The following TBCA variants were observed in gnomAD, a reference collection of about 807,000 sequenced individuals.
The protein encoded by TBCA is tubulin folding cofactor A.
A neutral mutation model predicts 15.8 loss-of-function variants in TBCA; 6 were observed. The ratio of observed to expected loss-of-function variants is 0.38; its 90% CI spans 0.21 to 0.75. The LOEUF is 0.75. Ranked by LOEUF, TBCA falls within the 30% of genes least tolerant of loss-of-function variation. TBCA has a pLI of 0.46. For missense variants in TBCA, 90 were observed against 131.2 expected, an observed-to-expected ratio of 0.69 and a Z score of 1.53; for synonymous variants, 32 against 42.3, an observed-to-expected ratio of 0.76 and a Z score of 0.94.
chr5:77,714,119 G>A (rs568831970), intron 1 of TBCA, among the ~76,000 whole-genome samples: 5 of 151,862 alleles, frequency 3.3e-5, no homozygotes, highest in Admixed American at 2.6e-4. Flanking sequence ...TCAGGAGTTC[G>A]AGATCAGCCT....
chr5:77,744,541 T>G (rs1230647137), intron 1 of TBCA, among the ~76,000 whole-genome samples: 1 of 138,456 alleles, frequency 7.2e-6, no homozygotes. Flanking sequence ...CTTTTTTTTT[T>G]TTTTTTTTTT....
chr5:77,692,986 A>C, intron 3 of TBCA: 2 of 1,354,950 alleles, frequency 1.5e-6, no homozygotes, highest in Non-Finnish European at 1.9e-6. Flanking sequence ...AATAATCAAG[A>C]CATTGCTGGA....
intron 2 of TBCA, chr5:77,694,395 AGAGGATATTT>A (rs1478480788): frequency 6.6e-6 from 1 of 152,234 alleles, no homozygotes; most frequent in Non-Finnish European, 1.5e-5. Flanking sequence ...TATGTATTCT[AGAGGATATTT>A]CTGGACGTAA....
chr5:77,699,050 A>G (rs2652209), intron 2 of TBCA, among the ~76,000 whole-genome samples: 30,241 of 144,484 alleles, frequency 0.21, 3,504 homozygotes, highest in Non-Finnish European at 0.29. Context: ...AAAAAAAAAA[A>G]AAAAAAAAGA....
At chr5:77,725,668 T>G (rs1746617046) in intron 1 of TBCA, among the ~76,000 whole-genome samples, 1 of 152,218 alleles carries the variant, frequency 6.6e-6, no homozygotes. Flanking sequence ...GGGCCGTTCC[T>G]CCGTAATGTG....
intron 1 of TBCA, among the ~76,000 whole-genome samples, chr5:77,721,683 T>C (rs1746532843): frequency 6.6e-6 from 1 of 152,102 alleles, no homozygotes; most frequent in African/African-American, 2.4e-5. Flanking sequence ...TAAATAAAAT[T>C]TGGTAATAGT....
chr5:77,737,679 T>A (rs1746942213), intron 1 of TBCA, among the ~76,000 whole-genome samples: 2 of 152,240 alleles, frequency 1.3e-5, no homozygotes, highest in African/African-American at 4.8e-5. Context: ...TAAATTCATC[T>A]TATTAATAGA....
At chr5:77,705,334 G>A (rs927377328) in intron 2 of TBCA, among the ~76,000 whole-genome samples, 3 of 152,070 alleles carry the variant, frequency 2.0e-5, no homozygotes, top group Non-Finnish European at 4.4e-5. Flanking sequence ...CTACATGACT[G>A]GGAAAACAAG....
Position 77,719,339 on chromosome 5 carries a change from C to A in TBCA, c.54-10992G>T, listed in dbSNP as rs181705006. Among the ~76,000 whole-genome samples, 703 of 152,120 alleles carry A rather than the reference C, an allele frequency of 4.6e-3. 2 individuals are homozygous for A. The highest frequency in any genetic ancestry group is 7.4e-3 in the Non-Finnish European group (506 of 67,992). ...AATTTAAATTTCTTTGATCTGTTCCCAAGGTAAAATCATTCCATGGTTCAA... is the reference window on the plus strand; with the variant it reads ...AATTTAAATTTCTTTGATCTGTTCCAAAGGTAAAATCATTCCATGGTTCAA... On this transcript the variant is annotated intron_variant, in intron 1 of 3. Transcript: ENST00000380377.
chr5:77,745,759 A>ACCC (rs1345763158), intron 1 of TBCA, among the ~76,000 whole-genome samples: 17 of 152,324 alleles, frequency 1.1e-4, no homozygotes, highest in Admixed American at 1.0e-3. Context: ...AGAAATTCTC[A>ACCC]GGCTTAGGAA....
At chr5:77,701,018 A>G (rs1323336034) in intron 2 of TBCA, among the ~76,000 whole-genome samples, 3 of 152,220 alleles carry the variant, frequency 2.0e-5, no homozygotes, top group African/African-American at 7.2e-5. Flanking sequence ...CAACGATTTC[A>G]TAACTAAGAA....
intron 1 of TBCA, among the ~76,000 whole-genome samples, chr5:77,765,881 CAAA>C (rs70997944): frequency 0.096 from 12,535 of 130,234 alleles, 573 homozygotes; most frequent in South Asian, 0.13. Context: ...AAACTAGGGC[CAAA>C]AAAAAAAAAA....
In TBCA at chr5:77,691,895, T is replaced by C. The variant is rs546612837; in HGVS notation, c.247-397A>G. On this transcript the variant is annotated intron_variant, in intron 3 of 3. Coordinates refer to ENST00000380377, the MANE Select transcript of TBCA (RefSeq NM_004607.3). ...TATGACAGCATTCAGGCCAAAATAATCCACTGACTATTCACAATGACAAAG... is the reference window on the plus strand; with the variant it reads ...TATGACAGCATTCAGGCCAAAATAACCCACTGACTATTCACAATGACAAAG... 3 of 990,152 alleles carry C rather than the reference T, an allele frequency of 3.0e-6. No individual in the cohort carries two copies. The African/African-American group carries it at 5.2e-5, about 17-fold the overall frequency. The allele number at this position is 990,152 out of a possible 1,614,324, so 61.3% of individuals were successfully genotyped here. A position where few individuals can be genotyped will look rare whatever the true frequency, so the allele number is the denominator to read the frequency against.
At chr5:77,717,105 G>T (rs959530601) in intron 1 of TBCA, among the ~76,000 whole-genome samples, 1 of 152,128 alleles carries the variant, frequency 6.6e-6, no homozygotes, top group African/African-American at 2.4e-5. Flanking sequence ...TAAAAAGACA[G>T]GTCAATCTAG....
intron 1 of TBCA, among the ~76,000 whole-genome samples, chr5:77,731,280 G>A (rs1746761782): frequency 6.6e-6 from 1 of 152,106 alleles, no homozygotes; most frequent in Non-Finnish European, 1.5e-5. Flanking sequence ...GATTACTGAT[G>A]AGGTACAATA....
intron 1 of TBCA, among the ~76,000 whole-genome samples, chr5:77,767,584 A>G (rs1747810053): frequency 6.6e-6 from 1 of 152,246 alleles, no homozygotes; most frequent in Non-Finnish European, 1.5e-5. Context: ...GGGGTAGGGA[A>G]TCACTGCTTC....
intron 1 of TBCA, among the ~76,000 whole-genome samples, chr5:77,756,129 C>T (rs456187): frequency 0.62 from 93,876 of 151,742 alleles, 29,067 homozygotes; most frequent in African/African-American, 0.64. Flanking sequence ...AACCAGACCG[C>T]AGCCTAGGAT....
chr5:77,693,915 A>G (rs540374534), intron 2 of TBCA, among the ~76,000 whole-genome samples: 3 of 152,216 alleles, frequency 2.0e-5, no homozygotes, highest in Non-Finnish European at 2.9e-5. Context: ...ATGCTAAGTG[A>G]AAGTTAACTG....
chr5:77,763,580 G>A (rs541646349), intron 1 of TBCA, among the ~76,000 whole-genome samples: 23 of 152,262 alleles, frequency 1.5e-4, no homozygotes, highest in Non-Finnish European at 3.1e-4. Context: ...TCAAGAGGGT[G>A]GAGCCCTCAT....
Sources: gnomAD v4.1 joint callset for allele counts (sites outside exome capture counted in the v4.1 genomes callset) on GRCh38, gnomAD v4.1.1 for gene constraint, MANE v1.5 for transcripts, NCBI Gene and HGNC (gene_info 2026-07-23, HGNC 2026-07-21) for gene names.